AKAP13: variants seen among roughly 807,000 people sequenced by gnomAD.
The protein encoded by AKAP13 is A-kinase anchoring protein 13.
AKAP13 carries 80 observed loss-of-function variants against 264.5 expected under a neutral mutation model. The ratio of observed to expected loss-of-function variants is 0.30; its 90% CI spans 0.25 to 0.36. AKAP13 has a LOEUF of 0.36. Among genes scored for constraint, AKAP13 ranks in the 10% least tolerant of loss-of-function variants. The pLI is 1.00. For synonymous variants in AKAP13, 1,380 were observed against 1,250.2 expected (o/e 1.10, Z -2.19); for missense variants, 3,712 against 3,435.2 (o/e 1.08, Z -2.01).
At chr15:85,655,313 C>A (rs747248749) in intron 10 of AKAP13, 104 bp from the exon 11 acceptor site, 2 of 1,423,880 alleles carry the variant, frequency 1.4e-6, no homozygotes, top group Non-Finnish European at 1.9e-6. Context: ...TATGATCTTA[C>A]CTGCCTGGAA....
At chr15:85,408,335 A>G (rs1245209404) in intron 1 of AKAP13, among the ~76,000 whole-genome samples, 1 of 151,814 alleles carries the variant, frequency 6.6e-6, no homozygotes, top group Non-Finnish European at 1.5e-5. Context: ...CATCTTAACC[A>G]TTTACCGTCT....
intron 1 of AKAP13, among the ~76,000 whole-genome samples, chr15:85,389,102 A>C (rs1191291974): frequency 6.6e-6 from 1 of 152,182 alleles, no homozygotes; most frequent in Non-Finnish European, 1.5e-5. Flanking sequence ...TTTAGCTTAC[A>C]GTTCCTGGGT....
intron 29 of AKAP13, among the ~76,000 whole-genome samples, chr15:85,730,106 C>A (rs750626253): frequency 1.1e-4 from 16 of 152,052 alleles, no homozygotes; most frequent in Non-Finnish European, 1.8e-4. Context: ...AAGAAGGAAA[C>A]ATGTTTTAAA....
At chr15:85,721,953 C>A (rs377025097) in intron 23 of AKAP13, 38 bp from the exon 24 acceptor site, 2 of 1,609,860 alleles carry the variant, frequency 1.2e-6, no homozygotes, top group Non-Finnish European at 1.7e-6. Flanking sequence ...ATGAGTTTGG[C>A]GCCCCATGGC....
rs961209691 is a variant in AKAP13 at position 85,607,583 on chromosome 15, G to A, written c.4161+21760G>A. ...CTCCAGAGTTCATGCTTTTAACCAC[G>A]ATGCTAGCTTAATAGAGTCACTAAG... On this transcript the variant is annotated intron_variant, in intron 8 of 36. Coordinates refer to ENST00000394518, the MANE Select transcript of AKAP13 (RefSeq NM_007200.5). 4.6e-5 allele frequency among the ~76,000 whole-genome samples: 7 copies of A among 152,052 alleles called. No individual in the cohort carries two copies. In the South Asian group the frequency reaches 1.0e-3, roughly 22 times the overall value.
chr15:85,727,528 T>C lies in AKAP13; in HGVS notation c.7087+65T>C, dbSNP rs1244264628. On this transcript the variant is annotated intron_variant, in intron 29 of 36. Coordinates refer to ENST00000394518, the MANE Select transcript of AKAP13 (RefSeq NM_007200.5). The surrounding 1 kb of genome is among the most constrained non-coding windows in gnomAD (Gnocchi z 5.3). ...GTCTGCAGTTGCAGAAGACTGCTGG[T>C]GGATTTTAGAGGTACGGGTTTGCCC... is the stretch of plus-strand genomic sequence containing the variant. 8 of 1,575,738 alleles carry C rather than the reference T, an allele frequency of 5.1e-6. No homozygotes were observed. Among genetic ancestry groups the C allele is most frequent in the Non-Finnish European group, 7.0e-6 (8 of 1,148,804 alleles).
intron 1 of AKAP13, among the ~76,000 whole-genome samples, chr15:85,384,046 A>G (rs1253619429): frequency 6.6e-6 from 1 of 152,242 alleles, no homozygotes; most frequent in Non-Finnish European, 1.5e-5. Flanking sequence ...GAGTAGATAC[A>G]TTCTAGAAAT....
chr15:85,654,972 A>C (rs1030428718), intron 10 of AKAP13, among the ~76,000 whole-genome samples: 9 of 152,172 alleles, frequency 5.9e-5, no homozygotes, highest in African/African-American at 2.2e-4. Flanking sequence ...TGGGTCGATC[A>C]TTTGAAGTTA....
At chr15:85,427,289 C>G (rs1278994220) in intron 1 of AKAP13, among the ~76,000 whole-genome samples, 1 of 152,044 alleles carries the variant, frequency 6.6e-6, no homozygotes, top group Non-Finnish European at 1.5e-5. Context: ...GAATTGAAAC[C>G]TTGCTCTTAA....
intron 8 of AKAP13, among the ~76,000 whole-genome samples, chr15:85,603,357 G>GT (rs2080177604): frequency 6.6e-6 from 1 of 152,220 alleles, no homozygotes; most frequent in Non-Finnish European, 1.5e-5. Context: ...CAATGCCTTG[G>GT]TTTGTGCTAA....
At chr15:85,448,736 G>A (rs2073982850) in intron 1 of AKAP13, among the ~76,000 whole-genome samples, 1 of 151,676 alleles carries the variant, frequency 6.6e-6, no homozygotes, top group Non-Finnish European at 1.5e-5. Context: ...TGCCTGTTTT[G>A]TACCAGTACC....
At chr15:85,397,695 G>T (rs533104294) in intron 1 of AKAP13, among the ~76,000 whole-genome samples, 8 of 152,254 alleles carry the variant, frequency 5.3e-5, no homozygotes, top group African/African-American at 1.9e-4. Context: ...GAAGCTCAGA[G>T]AAATTAATAG....
intron 30 of AKAP13, among the ~76,000 whole-genome samples, chr15:85,733,001 C>A (rs1164504394): frequency 2.0e-5 from 3 of 152,204 alleles, no homozygotes; most frequent in Non-Finnish European, 4.4e-5. Context: ...ATAACTGTTA[C>A]ATGCCATATG....
intron 8 of AKAP13, among the ~76,000 whole-genome samples, chr15:85,623,503 C>T (rs906173986): frequency 3.9e-5 from 6 of 152,188 alleles, no homozygotes; most frequent in Non-Finnish European, 8.8e-5. Context: ...TTGGCTGCTT[C>T]TGCATTCTGC....
intron 19 of AKAP13, 82 bp downstream of exon 19, chr15:85,710,727 T>C: frequency 6.8e-7 from 1 of 1,465,894 alleles, no homozygotes; most frequent in Middle Eastern, 1.8e-4. Context: ...TATTCAGTTA[T>C]TATTCATAGT....
At chr15:85,738,063 T>G (rs981687514) in intron 33 of AKAP13, among the ~76,000 whole-genome samples, 5 of 152,334 alleles carry the variant, frequency 3.3e-5, no homozygotes, top group Admixed American at 6.5e-5. Flanking sequence ...AATGCTTAGC[T>G]AGAGTCGGCA....
intron 19 of AKAP13, among the ~76,000 whole-genome samples, chr15:85,711,071 A>AAT (rs1567207944): frequency 2.0e-5 from 3 of 151,996 alleles, no homozygotes; most frequent in Admixed American, 6.5e-5. Context: ...GCTGGAGTAC[A>AAT]ATAGCACAAT....
chr15:85,419,421 C>T (rs1042163739), intron 1 of AKAP13, among the ~76,000 whole-genome samples: 1 of 152,154 alleles, frequency 6.6e-6, no homozygotes, highest in Non-Finnish European at 1.5e-5. Flanking sequence ...ATACAAGTAA[C>T]GTGGCCGCTG....
chr15:85,661,723 G>A (rs1042898185), intron 12 of AKAP13, among the ~76,000 whole-genome samples: 12 of 150,060 alleles, frequency 8.0e-5, no homozygotes, highest in Admixed American at 2.0e-4. Flanking sequence ...CTCCGTCTTG[G>A]GGGGTAGTTT....
Sources: allele counts gnomAD v4.1 joint callset (sites outside exome capture counted in the v4.1 genomes callset), GRCh38; gene constraint gnomAD v4.1.1; non-coding constraint Gnocchi (gnomAD v3.1); transcripts MANE v1.5; gene names NCBI Gene and HGNC (gene_info 2026-07-23, HGNC 2026-07-21).